The following SGCD variants were observed in gnomAD, a reference collection of about 807,000 sequenced individuals.
SGCD encodes sarcoglycan delta.
SGCD carries 18 observed loss-of-function variants against 36.6 expected under a neutral mutation model. That is an observed-to-expected ratio of 0.49 (90% confidence interval 0.34 to 0.73). SGCD has a LOEUF of 0.73. SGCD is among the 30% of genes least tolerant of loss of function. SGCD has a pLI of 0.01. For synonymous variants in SGCD, 133 were observed against 130.6 expected, an observed-to-expected ratio of 1.02 and a Z score of -0.12; for missense variants, 387 against 346.7, an observed-to-expected ratio of 1.12 and a Z score of -0.92.
At chr5:156,240,228 G>A (rs1455417011) in intron 3 of SGCD, among the ~76,000 whole-genome samples, 1 of 152,120 alleles carries the variant, frequency 6.6e-6, no homozygotes, top group African/African-American at 2.4e-5. Flanking sequence ...TGCAGTTTTT[G>A]CTTCTTTCCA....
At chr5:155,768,718 G>A in the SGCD span, among the ~76,000 whole-genome samples, 1 of 152,126 alleles carries the variant, frequency 6.6e-6, no homozygotes, top group Non-Finnish European at 1.5e-5. Flanking sequence ...GATGAATGTT[G>A]TGTCTTTCAT....
chr5:156,596,285 C>A (rs1328906715), intron 6 of SGCD, among the ~76,000 whole-genome samples: 1 of 152,138 alleles, frequency 6.6e-6, no homozygotes, highest in Non-Finnish European at 1.5e-5. Context: ...ATCTCAGGCT[C>A]TAGAATTAGC....
At chr5:156,507,378 C>G (rs1305978095) in intron 3 of SGCD, among the ~76,000 whole-genome samples, 2 of 152,182 alleles carry the variant, frequency 1.3e-5, no homozygotes, top group Non-Finnish European at 2.9e-5. Context: ...GAAATTGATT[C>G]TCCCTTTAGA....
At chr5:156,133,570 A>G (rs1264485272) in intron 3 of SGCD, among the ~76,000 whole-genome samples, 2 of 152,298 alleles carry the variant, frequency 1.3e-5, no homozygotes, top group Admixed American at 6.5e-5. Context: ...CTTAAAATGC[A>G]TGTAATGGGC....
intron 3 of SGCD, among the ~76,000 whole-genome samples, chr5:156,220,977 G>A (rs965182617): frequency 6.6e-6 from 1 of 152,056 alleles, no homozygotes; most frequent in African/African-American, 2.4e-5. Context: ...ACAAACAGGA[G>A]CATTTTAGTT....
chr5:155,922,244 A>C (rs1338284865), intron 1 of SGCD, among the ~76,000 whole-genome samples: 2 of 152,170 alleles, frequency 1.3e-5, no homozygotes, highest in African/African-American at 4.8e-5. Flanking sequence ...GTGACCTAGA[A>C]GGAAGAGTTT....
intron 3 of SGCD, among the ~76,000 whole-genome samples, chr5:156,166,165 C>T (rs1444921085): frequency 6.7e-6 from 1 of 150,310 alleles, no homozygotes; most frequent in Non-Finnish European, 1.5e-5. Flanking sequence ...GTAAATGTAT[C>T]TCTTTTCCAA....
chr5:156,739,016 A>G (rs1486291129), intron 7 of SGCD, among the ~76,000 whole-genome samples: 1 of 152,244 alleles, frequency 6.6e-6, no homozygotes, highest in Non-Finnish European at 1.5e-5. Context: ...TGTAGGTGGC[A>G]TGAAATTGCT....
chr5:156,657,406 C>A (rs184468293), intron 7 of SGCD, among the ~76,000 whole-genome samples: 416 of 137,216 alleles, frequency 3.0e-3, no homozygotes, highest in Admixed American at 0.013. Context: ...CTCCCCCCAC[C>A]CCACAGTAGT....
chr5:155,896,909 A>G (rs1756275593), intron 1 of SGCD, among the ~76,000 whole-genome samples: 1 of 152,226 alleles, frequency 6.6e-6, no homozygotes, highest in African/African-American at 2.4e-5. Context: ...TTCTAGTTTC[A>G]GCATCCTGTA....
At chr5:156,748,335 T>G (rs1027596927) in intron 7 of SGCD, among the ~76,000 whole-genome samples, 1 of 152,160 alleles carries the variant, frequency 6.6e-6, no homozygotes, top group Non-Finnish European at 1.5e-5. Flanking sequence ...TAAGTAAGAT[T>G]AGTGCAATTT....
chr5:156,443,122 T>G (rs1380793544), intron 3 of SGCD, among the ~76,000 whole-genome samples: 1 of 151,970 alleles, frequency 6.6e-6, no homozygotes, highest in East Asian at 1.9e-4. Context: ...GTAGCTGGGA[T>G]TAGAGGCACG....
chr5:156,141,095 T>C (rs1362478942), intron 3 of SGCD, among the ~76,000 whole-genome samples: 1 of 152,176 alleles, frequency 6.6e-6, no homozygotes, highest in African/African-American at 2.4e-5. Flanking sequence ...ACCAAAAATC[T>C]TGGTGGTGTT....
intron 6 of SGCD, among the ~76,000 whole-genome samples, chr5:156,607,452 A>T (rs554603755): frequency 1.1e-3 from 163 of 152,288 alleles, no homozygotes; most frequent in Non-Finnish European, 2.0e-3. Context: ...CTTTGCCAGT[A>T]TTTTATTGAG....
intron 3 of SGCD, among the ~76,000 whole-genome samples, chr5:156,165,942 T>A (rs917192232): frequency 5.9e-5 from 9 of 152,190 alleles, no homozygotes; most frequent in Admixed American, 5.9e-4. Context: ...TAGCAAAAAG[T>A]TTTTTGACGG....
chr5:156,589,287 C>A lies in SGCD; in HGVS notation c.351C>A (p.Asp117Glu). The A allele has an allele frequency of 6.4e-7, 1 of 1,574,314 alleles. No individual in the cohort carries two copies. The highest frequency in any genetic ancestry group is 8.6e-7 in the Non-Finnish European group (1 of 1,158,080). ...ARNVTVNILN[D>E]QTKVLTQLIT... ...ATGTTACAGTGAACATTCTCAATGA[C>A]CAGACTAAAGTGCTAACTCAGCTTA... Residue 117 changes from aspartate to glutamate, a missense_variant, in exon 5 of 9, where the codon GAC becomes GAA. Asp to Glu is a conservative substitution (Grantham distance 45). Coordinates refer to ENST00000337851, the MANE Select transcript of SGCD (RefSeq NM_000337.6).
chr5:156,608,165 T>C (rs1184618757), intron 6 of SGCD, among the ~76,000 whole-genome samples: 1 of 152,198 alleles, frequency 6.6e-6, no homozygotes, highest in Non-Finnish European at 1.5e-5. Context: ...TTTCCTGCTT[T>C]CTCTTGTGGG....
chr5:156,144,044 G>A (rs374905318), intron 3 of SGCD, among the ~76,000 whole-genome samples: 6 of 151,300 alleles, frequency 4.0e-5, no homozygotes, highest in Admixed American at 6.6e-5. Flanking sequence ...AGTTTCATCC[G>A]TGTCCCTACA....
intron 6 of SGCD, among the ~76,000 whole-genome samples, chr5:156,597,698 G>A (rs569701485): frequency 1.2e-3 from 187 of 152,248 alleles, no homozygotes; most frequent in African/African-American, 4.4e-3. Context: ...TTCCCCCTCT[G>A]TGTCCTCTGG....
Sources: allele counts gnomAD v4.1 joint callset (sites outside exome capture counted in the v4.1 genomes callset), GRCh38; gene constraint gnomAD v4.1.1; transcripts MANE v1.5; gene names NCBI Gene and HGNC (gene_info 2026-07-23, HGNC 2026-07-21).